Variants in COL4A3 observed in about 807,000 individuals in gnomAD.
COL4A3 encodes the protein collagen alpha-3(IV) chain.
In COL4A3, 135 loss-of-function variants were observed where a neutral mutation model predicts 217.4. That is an observed-to-expected ratio of 0.62 (90% confidence interval 0.54 to 0.72). COL4A3 has a LOEUF of 0.72. Ranked by LOEUF, COL4A3 falls within the 30% of genes least tolerant of loss-of-function variation. The pLI is 0.00. For missense variants in COL4A3, 1,868 were observed against 2,119.9 expected (o/e 0.88, Z 2.33); for synonymous variants, 690 against 736.3 (o/e 0.94, Z 1.02).
intron 1 of COL4A3, among the ~76,000 whole-genome samples, chr2:227,168,139 T>C (rs1347319399): frequency 6.6e-6 from 1 of 152,218 alleles, no homozygotes; most frequent in East Asian, 1.9e-4. Context: ...CAAAGTAAGC[T>C]TGTCTTTATA....
chr2:227,264,640 T>C (rs2070781932), intron 21 of COL4A3: 1 of 152,428 alleles, frequency 6.6e-6, no homozygotes, highest in Admixed American at 6.5e-5. Context: ...CTCACAAACA[T>C]ATAGATCACA....
intron 1 of COL4A3, among the ~76,000 whole-genome samples, chr2:227,165,211 A>C (rs984211077): frequency 2.0e-5 from 3 of 152,182 alleles, no homozygotes; most frequent in Admixed American, 6.5e-5. Flanking sequence ...GGCCCAGCGC[A>C]CAGAGGGCTG....
At chr2:227,311,658 G>T (rs537350651) in intron 51 of COL4A3, 128 bp from the exon 52 acceptor site, 2 of 846,898 alleles carry the variant, frequency 2.4e-6, no homozygotes, top group Non-Finnish European at 3.7e-6. Flanking sequence ...GATTACAGGC[G>T]TGAGCCACCA....
intron 20 of COL4A3, among the ~76,000 whole-genome samples, chr2:227,261,884 A>AGAG (rs1437339152): frequency 6.6e-6 from 1 of 152,218 alleles, no homozygotes; most frequent in Admixed American, 6.5e-5. Context: ...ACCTTTTGAG[A>AGAG]GAGGAAAAAG....
chr2:227,218,080 C>CTATCTATATATATATATATATATA (rs2067598605), intron 1 of COL4A3, among the ~76,000 whole-genome samples: 1 of 118,378 alleles, frequency 8.4e-6, no homozygotes, highest in Non-Finnish European at 1.9e-5. Context: ...ATATATATAG[C>CTATCTATATATATATATATATATA]TATATATATA....
At chr2:227,267,985 A>C (rs2125984854) in intron 23 of COL4A3, among the ~76,000 whole-genome samples, 1 of 152,340 alleles carries the variant, frequency 6.6e-6, no homozygotes, top group African/African-American at 2.4e-5. Context: ...AAAACTTTGA[A>C]GTACAAAACG....
At chr2:227,302,299 G>C (rs189441993) in intron 43 of COL4A3, among the ~76,000 whole-genome samples, 1 of 152,168 alleles carries the variant, frequency 6.6e-6, no homozygotes, top group African/African-American at 2.4e-5. Context: ...TTATGGCTCT[G>C]CTAGCTTAGT....
At chr2:227,302,936 C>A (rs2073355945) in intron 43 of COL4A3, 102 bp from the exon 44 acceptor site, 1 of 755,380 alleles carries the variant, frequency 1.3e-6, no homozygotes, top group Admixed American at 2.0e-5. Flanking sequence ...CTTATTCTCA[C>A]CCAACATAAT....
chr2:227,222,118 G>A lies in COL4A3; in HGVS notation c.88-15850G>A, dbSNP rs547356861. Among the ~76,000 whole-genome samples the A allele has an allele frequency of 1.9e-4, 25 of 128,632 alleles. No homozygotes were observed. The South Asian group carries it at 2.4e-3, about 12-fold the overall frequency. The allele number at this position is 128,632 out of a possible 152,430, so 84.4% of individuals were successfully genotyped here. A position where few individuals can be genotyped will look rare whatever the true frequency, so the allele number is the denominator to read the frequency against. ...AGCCTGGACAACATACGGAGACACT[G>A]TCTCTAATAATAATAATAATAATAA... On this transcript the variant is annotated intron_variant, in intron 1 of 51. Coordinates refer to ENST00000396578, the MANE Select transcript of COL4A3 (RefSeq NM_000091.5).
At chr2:227,279,491 T>G in intron 28 of COL4A3, 1 of 372,336 alleles carries the variant, frequency 2.7e-6, no homozygotes, top group Non-Finnish European at 4.9e-6. Context: ...ACCTGTACAC[T>G]GTATGTAAAA....
intron 7 of COL4A3, among the ~76,000 whole-genome samples, chr2:227,247,053 A>C (rs2069392435): frequency 1.3e-5 from 2 of 152,156 alleles, no homozygotes; most frequent in Non-Finnish European, 2.9e-5. Flanking sequence ...TAGAACTGAG[A>C]CTTAGCTCCA....
intron 1 of COL4A3, among the ~76,000 whole-genome samples, chr2:227,188,072 C>T (rs987204554): frequency 1.3e-4 from 19 of 149,396 alleles, no homozygotes; most frequent in South Asian, 8.5e-4. Flanking sequence ...ACAACATCCC[C>T]GAACTACTCC....
chr2:227,188,114 C>G (rs1163218980), intron 1 of COL4A3, among the ~76,000 whole-genome samples: 1 of 152,010 alleles, frequency 6.6e-6, no homozygotes, highest in Non-Finnish European at 1.5e-5. Flanking sequence ...GTTAGTAACT[C>G]CAGATATTTT....
chr2:227,277,433 T>G lies in COL4A3; in HGVS notation c.2021-16T>G. 1 of 1,501,590 alleles carries G rather than the reference T, an allele frequency of 6.7e-7. No individual in the cohort carries two copies. Among genetic ancestry groups the G allele is most frequent in the Non-Finnish European group, 9.2e-7 (1 of 1,081,100 alleles). 93.0% of individuals were successfully genotyped at this position (1,501,590 alleles called of 1,614,324 possible). A position where few individuals can be genotyped will look rare whatever the true frequency, so the allele number is the denominator to read the frequency against. ...AGTTGCTGATGTGGAGATGCATATG[T>G]GTATTTGTTTCTAAGGTATCCCTGG... On this transcript the variant is annotated splice_polypyrimidine_tract_variant and intron_variant, in intron 27 of 51. Transcript: ENST00000396578.
intron 1 of COL4A3, among the ~76,000 whole-genome samples, chr2:227,230,062 A>AG (rs2068316257): frequency 6.8e-6 from 1 of 147,292 alleles, no homozygotes. Flanking sequence ...AAAAAAAAAA[A>AG]AAAAGAAATT....
At chr2:227,234,708 T>C (rs10173729) in intron 1 of COL4A3, among the ~76,000 whole-genome samples, 49,187 of 152,080 alleles carry the variant, frequency 0.32, 8,385 homozygotes, top group Non-Finnish European at 0.36. Context: ...TGGGAGTGTA[T>C]AGGCAAAGGG....
intron 25 of COL4A3, among the ~76,000 whole-genome samples, chr2:227,271,456 C>T (rs1227014134): frequency 6.9e-6 from 1 of 144,822 alleles, no homozygotes; most frequent in African/African-American, 2.6e-5. Context: ...GTAATACCTA[C>T]CAAGATTTTT....
intron 1 of COL4A3, among the ~76,000 whole-genome samples, chr2:227,205,527 T>C (rs1014911216): frequency 2.0e-4 from 30 of 152,234 alleles, no homozygotes; most frequent in Non-Finnish European, 3.7e-4. Context: ...ATTTTTATAA[T>C]TGTACATGAT....
intron 1 of COL4A3, among the ~76,000 whole-genome samples, chr2:227,196,021 C>G (rs1327838328): frequency 2.0e-5 from 3 of 151,780 alleles, no homozygotes; most frequent in Non-Finnish European, 4.4e-5. Context: ...GCTAGCTGTA[C>G]CATGTGTTTG....
Sources: gnomAD v4.1 joint callset for allele counts (sites outside exome capture counted in the v4.1 genomes callset) on GRCh38, gnomAD v4.1.1 for gene constraint, MANE v1.5 for transcripts, NCBI Gene and HGNC (gene_info 2026-07-23, HGNC 2026-07-21) for gene names.